PCDH15: variants seen among roughly 807,000 people sequenced by gnomAD.
PCDH15 encodes protocadherin-15.
In PCDH15, 129 loss-of-function variants were observed where a neutral mutation model predicts 178.5. That is an observed-to-expected ratio of 0.72 (90% CI 0.63 to 0.84). The LOEUF (loss-of-function observed/expected upper bound fraction) is 0.84, where lower values mean the gene tolerates loss of function less well. Among genes scored for constraint, PCDH15 ranks in the 40% least tolerant of loss-of-function variants. The probability of loss-of-function intolerance (pLI) is 0.00; values close to 1 mark genes in which losing one functional copy is unlikely to be tolerated. For missense variants in PCDH15, 2,230 were observed against 2,099.9 expected, an observed-to-expected ratio of 1.06 and a Z score of -1.21; for synonymous variants, 800 against 732.0, an observed-to-expected ratio of 1.09 and a Z score of -1.50.
chr10:55,423,437 A>T (rs948761511), intron 2 of PCDH15, among the ~76,000 whole-genome samples: 3 of 152,026 alleles, frequency 2.0e-5, no homozygotes, highest in African/African-American at 7.2e-5. Context: ...TATACATATA[A>T]ATTTTGCAGG....
intron 2 of PCDH15, among the ~76,000 whole-genome samples, chr10:54,616,236 C>T (rs1320136379): frequency 6.6e-6 from 1 of 151,926 alleles, no homozygotes; most frequent in Non-Finnish European, 1.5e-5. Flanking sequence ...AAAAGGGAGG[C>T]ATGAAGAAGA....
At chr10:54,623,468 T>C (rs1373363574) in intron 2 of PCDH15, among the ~76,000 whole-genome samples, 1 of 152,144 alleles carries the variant, frequency 6.6e-6, no homozygotes, top group East Asian at 1.9e-4. Context: ...TTAAGTGGAT[T>C]TTTATAAATA....
intron 3 of PCDH15, among the ~76,000 whole-genome samples, chr10:54,414,595 C>A (rs908394574): frequency 6.6e-6 from 1 of 152,172 alleles, no homozygotes; most frequent in African/African-American, 2.4e-5. Flanking sequence ...ACACAGTTGT[C>A]AACTTTTTAC....
chr10:54,672,462 T>G (rs2094692937), intron 1 of PCDH15, among the ~76,000 whole-genome samples: 1 of 152,110 alleles, frequency 6.6e-6, no homozygotes, highest in South Asian at 2.1e-4. Context: ...TTATATAAGA[T>G]TCAGTCTTAG....
intron 3 of PCDH15, among the ~76,000 whole-genome samples, chr10:54,467,601 GTTT>G (rs67776985): frequency 9.0e-4 from 41 of 45,700 alleles, no homozygotes; most frequent in African/African-American, 2.4e-3. Flanking sequence ...TCAAGCTGTA[GTTT>G]TTTTTTTTTT....
chr10:54,343,957 T>A (rs1942765787), intron 6 of PCDH15, among the ~76,000 whole-genome samples: 1 of 152,128 alleles, frequency 6.6e-6, no homozygotes, highest in African/African-American at 2.4e-5. Flanking sequence ...GAAATGTTAT[T>A]ATTTTGACTA....
chr10:55,099,871 TA>T (rs942842549), intron 2 of PCDH15, among the ~76,000 whole-genome samples: 8 of 152,130 alleles, frequency 5.3e-5, no homozygotes, highest in Admixed American at 3.9e-4. Context: ...CAAATCCATT[TA>T]GGGGTAAATT....
At position 55,538,401 on chromosome 10, in the gene PCDH15, C is replaced by CCTTT. The variant is rs1348553453; in HGVS notation, c.-156+89223_-156+89224insAAAG. Among the ~76,000 whole-genome samples, 261 of 70,346 alleles carry CCTTT rather than the reference C, an allele frequency of 3.7e-3. 1 individual carries two copies. Among genetic ancestry groups the CCTTT allele is most frequent in the African/African-American group, 0.017 (245 of 14,540 alleles). 46.1% of individuals were successfully genotyped at this position (70,346 alleles called of 152,430 possible). ...TCCTTCCTTCCTTCCTTCCTTTCTT[C>CCTTT]CTTCCTTCCTTCCTCCCTCCCTCCC... On this transcript the variant is annotated intron_variant, in intron 2 of 5. Transcript: ENST00000613346.
chr10:54,948,700 C>T (rs890776813), intron 2 of PCDH15, among the ~76,000 whole-genome samples: 1 of 152,012 alleles, frequency 6.6e-6, no homozygotes, highest in East Asian at 1.9e-4. Flanking sequence ...ACTTGTCAGG[C>T]TCCATAATTA....
At chr10:54,289,264 C>G (rs927368496) in intron 8 of PCDH15, among the ~76,000 whole-genome samples, 12 of 152,168 alleles carry the variant, frequency 7.9e-5, no homozygotes, top group Non-Finnish European at 1.3e-4. Context: ...CTCCAACAGA[C>G]CTGCAGCTGA....
chr10:54,999,376 A>C (rs771593129), intron 2 of PCDH15, among the ~76,000 whole-genome samples: 1 of 152,224 alleles, frequency 6.6e-6, no homozygotes, highest in Admixed American at 6.5e-5. Context: ...AGGTAGGAGT[A>C]GAAATGTTTA....
At chr10:54,019,668 T>C (rs549125580) in intron 20 of PCDH15, among the ~76,000 whole-genome samples, 7 of 152,126 alleles carry the variant, frequency 4.6e-5, no homozygotes, top group Non-Finnish European at 1.0e-4. Context: ...GGATAACAAA[T>C]CCAGAGAGGT....
At chr10:55,525,716 G>C (rs1013846782) in intron 2 of PCDH15, among the ~76,000 whole-genome samples, 3 of 151,732 alleles carry the variant, frequency 2.0e-5, no homozygotes, top group African/African-American at 7.2e-5. Context: ...AATTTTTCTT[G>C]AACTGAAATA....
intron 2 of PCDH15, among the ~76,000 whole-genome samples, chr10:55,114,606 C>T (rs1345022707): frequency 6.6e-6 from 1 of 152,160 alleles, no homozygotes; most frequent in Non-Finnish European, 1.5e-5. Context: ...AAGAAAGTAA[C>T]GTGGAAGCAA....
chr10:53,852,126 A>C (rs996500579), intron 28 of PCDH15, among the ~76,000 whole-genome samples: 1 of 152,022 alleles, frequency 6.6e-6, no homozygotes, highest in Admixed American at 6.6e-5. Flanking sequence ...GATTCCTCTT[A>C]TTTGAGTTTC....
intron 2 of PCDH15, among the ~76,000 whole-genome samples, chr10:55,122,059 T>G (rs571566638): frequency 2.4e-3 from 363 of 152,302 alleles, no homozygotes; most frequent in African/African-American, 8.3e-3. Context: ...GAAGGAGTTA[T>G]GAAAAATTAA....
chr10:53,914,406 C>T (rs990749546), intron 25 of PCDH15, among the ~76,000 whole-genome samples: 1 of 152,122 alleles, frequency 6.6e-6, no homozygotes, highest in Non-Finnish European at 1.5e-5. Context: ...AAATGTGGCA[C>T]ATATACACCA....
At position 53,929,577 on chromosome 10, in the gene PCDH15, CTTTTG is replaced by C. The variant is rs557966778; in HGVS notation, c.3373+9233_3373+9237del. ...TGTTACCCAAGTTATAGCAGGGATA[CTTTTG>C]TTTTAAGTCAGTCAATCATAGGTAA... On this transcript the variant is annotated intron_variant, in intron 25 of 37. Coordinates refer to ENST00000644397, the MANE Select transcript of PCDH15 (RefSeq NM_001384140.1). 4.0e-4 allele frequency among the ~76,000 whole-genome samples: 61 copies of C among 152,206 alleles called. 1 individual carries two copies. Among genetic ancestry groups the C allele is most frequent in the Admixed American group, 1.4e-3 (21 of 15,288 alleles).
chr10:53,988,770 A>C (rs963412758), intron 21 of PCDH15, among the ~76,000 whole-genome samples: 2 of 152,142 alleles, frequency 1.3e-5, no homozygotes, highest in African/African-American at 4.8e-5. Context: ...TTTCTTGGAA[A>C]TCTGTCTTGT....
Sources: gnomAD v4.1 joint callset for allele counts (sites outside exome capture counted in the v4.1 genomes callset) on GRCh38, gnomAD v4.1.1 for gene constraint, MANE v1.5 for transcripts, NCBI Gene and HGNC (gene_info 2026-07-23, HGNC 2026-07-21) for gene names.